Variants in ZPBP observed in about 807,000 individuals in gnomAD.
The protein encoded by ZPBP is zona pellucida-binding protein 1.
In ZPBP, 26 loss-of-function variants were observed where a neutral mutation model predicts 44.8. The ratio of observed to expected loss-of-function variants is 0.58; its 90% CI spans 0.43 to 0.81. The LOEUF is 0.81. ZPBP is among the 30% of genes least tolerant of loss of function. The pLI, the probability that ZPBP is intolerant of heterozygous loss-of-function variation, is 0.00. For missense variants in ZPBP, 409 were observed against 434.0 expected (o/e 0.94, Z 0.51); for synonymous variants, 174 against 153.2 (o/e 1.14, Z -1.00).
At chr7:50,071,888 G>A (rs1168776909) in intron 3 of ZPBP, among the ~76,000 whole-genome samples, 1 of 152,194 alleles carries the variant, frequency 6.6e-6, no homozygotes, top group Non-Finnish European at 1.5e-5. Flanking sequence ...ACAACATCAA[G>A]GGCCTTGGGT....
intron 7 of ZPBP, among the ~76,000 whole-genome samples, chr7:49,949,177 C>T (rs944307003): frequency 2.0e-5 from 3 of 152,102 alleles, no homozygotes; most frequent in Non-Finnish European, 4.4e-5. Flanking sequence ...GAAGAGAGCC[C>T]TCTCCAGAAA....
At chr7:49,972,658 A>C (rs1278037339) in intron 7 of ZPBP, among the ~76,000 whole-genome samples, 1 of 152,068 alleles carries the variant, frequency 6.6e-6, no homozygotes, top group Non-Finnish European at 1.5e-5. Context: ...ATACTACCCA[A>C]AGCAATCTAC....
intron 6 of ZPBP, among the ~76,000 whole-genome samples, chr7:50,012,781 T>G (rs1297935217): frequency 6.7e-6 from 1 of 150,010 alleles, no homozygotes; most frequent in East Asian, 1.9e-4. Flanking sequence ...GTACTGTAGA[T>G]TACAGGTATT....
chr7:49,965,412 C>A (rs774738556), intron 7 of ZPBP, among the ~76,000 whole-genome samples: 1 of 151,830 alleles, frequency 6.6e-6, no homozygotes, highest in Non-Finnish European at 1.5e-5. Context: ...TCTATATCCA[C>A]CAAACAAAAT....
intron 2 of ZPBP, among the ~76,000 whole-genome samples, chr7:50,085,887 C>A (rs1164679712): frequency 6.6e-6 from 1 of 152,066 alleles, no homozygotes; most frequent in Non-Finnish European, 1.5e-5. Flanking sequence ...TGTGTACATG[C>A]CCAGAACAAT....
downstream of ZPBP, among the ~76,000 whole-genome samples, chr7:49,848,403 C>T (rs950818101): frequency 1.3e-5 from 2 of 152,198 alleles, no homozygotes; most frequent in Non-Finnish European, 2.9e-5. Flanking sequence ...GTGTGAGAGC[C>T]GGGCATGGCC....
intron 4 of ZPBP, among the ~76,000 whole-genome samples, chr7:50,036,355 T>C (rs771383433): frequency 5.9e-5 from 9 of 152,162 alleles, no homozygotes; most frequent in Non-Finnish European, 1.0e-4. Flanking sequence ...TTTCATCATA[T>C]TGGCCAGGCT....
rs373019563 is a variant in ZPBP at position 50,072,048 on chromosome 7, G to A, written c.334+9726C>T. Among the ~76,000 whole-genome samples the A allele has an allele frequency of 1.5e-3, 230 of 152,294 alleles. 10 individuals are homozygous for A. In the South Asian group the frequency reaches 0.045, roughly 30 times the overall value. On this transcript the variant is annotated intron_variant, in intron 3 of 7. Coordinates refer to ENST00000046087, the MANE Select transcript of ZPBP (RefSeq NM_007009.3). ...CTTAACTACCAGCATGGACACAGAC[G>A]GGGAGAGCAACAAGTGGACTCTCAG...
chr7:50,059,443 G>T (rs976867456), intron 3 of ZPBP, among the ~76,000 whole-genome samples: 1 of 152,140 alleles, frequency 6.6e-6, no homozygotes, highest in African/African-American at 2.4e-5. Context: ...GCTGAAAAAT[G>T]TGATATGAAT....
chr7:49,855,865 A>G (rs886537253), intron 2 of ZPBP, among the ~76,000 whole-genome samples: 3 of 152,108 alleles, frequency 2.0e-5, no homozygotes, highest in South Asian at 4.1e-4. Flanking sequence ...GCTGATTCCC[A>G]GGGATTTGGT....
chr7:50,047,151 G>A (rs1241462857), intron 4 of ZPBP, among the ~76,000 whole-genome samples: 1 of 152,032 alleles, frequency 6.6e-6, no homozygotes, highest in Admixed American at 6.6e-5. Flanking sequence ...GTTGGGTGGT[G>A]GGGGAGCTAG....
chr7:49,927,913 G>C (rs1286721943), intron 1 of ZPBP, among the ~76,000 whole-genome samples: 1 of 152,112 alleles, frequency 6.6e-6, no homozygotes, highest in Non-Finnish European at 1.5e-5. Flanking sequence ...CTGTAGTCAG[G>C]GAAAGCAAAT....
At chr7:49,982,300 AAT>A (rs1491053088) in intron 7 of ZPBP, among the ~76,000 whole-genome samples, 13 of 17,500 alleles carry the variant, frequency 7.4e-4, no homozygotes, top group Admixed American at 1.8e-3. Context: ...TAATATATAT[AAT>A]ATATAATTAT....
intron 4 of ZPBP, among the ~76,000 whole-genome samples, chr7:50,039,783 A>G (rs969792454): frequency 2.0e-5 from 3 of 152,170 alleles, no homozygotes; most frequent in Non-Finnish European, 4.4e-5. Flanking sequence ...AAAATTACGT[A>G]AAATAATAAC....
intron 1 of ZPBP, among the ~76,000 whole-genome samples, chr7:49,901,762 A>G (rs939210362): frequency 4.7e-5 from 7 of 149,480 alleles, no homozygotes; most frequent in Non-Finnish European, 1.0e-4. Context: ...ACGTAGCTGA[A>G]CTTAATATAA....
intron 4 of ZPBP, 62 bp from the exon 5 acceptor site, chr7:50,031,372 C>T (rs975519843): frequency 1.7e-6 from 2 of 1,196,726 alleles, no homozygotes; most frequent in Non-Finnish European, 2.4e-6. Flanking sequence ...AAACATATTG[C>T]AACTATTTAA....
At chr7:49,875,113 T>C (rs1218577439) in intron 2 of ZPBP, among the ~76,000 whole-genome samples, 1 of 151,750 alleles carries the variant, frequency 6.6e-6, no homozygotes, top group Non-Finnish European at 1.5e-5. Context: ...GGCTCATGCC[T>C]GTAATCCCAG....
chr7:49,958,811 C>T (rs977122643), intron 7 of ZPBP, among the ~76,000 whole-genome samples: 1 of 152,144 alleles, frequency 6.6e-6, no homozygotes, highest in Non-Finnish European at 1.5e-5. Context: ...AAAATAATAT[C>T]AATCCTATAG....
intron 1 of ZPBP, among the ~76,000 whole-genome samples, chr7:49,901,758 C>T (rs76122534): frequency 0.03 from 4,551 of 151,324 alleles, 185 homozygotes; most frequent in South Asian, 0.13. Flanking sequence ...AAAAACGTAG[C>T]TGAACTTAAT....
Sources: gnomAD v4.1 joint callset for allele counts (sites outside exome capture counted in the v4.1 genomes callset) on GRCh38, gnomAD v4.1.1 for gene constraint, MANE v1.5 for transcripts, NCBI Gene and HGNC (gene_info 2026-07-23, HGNC 2026-07-21) for gene names.